The following EML4 variants were observed in gnomAD, a reference collection of about 807,000 sequenced individuals.
The protein encoded by EML4 is EMAP like 4.
A neutral mutation model predicts 129.0 loss-of-function variants in EML4; 72 were observed. The ratio of observed to expected loss-of-function variants is 0.56; its 90% CI spans 0.46 to 0.68. The LOEUF is 0.68. EML4 is among the 30% of genes least tolerant of loss of function. The probability of loss-of-function intolerance (pLI) is 0.00; values close to 1 mark genes in which losing one functional copy is unlikely to be tolerated. For missense variants in EML4, 1,363 were observed against 1,190.6 expected, an observed-to-expected ratio of 1.14 and a Z score of -2.13; for synonymous variants, 532 against 405.0, an observed-to-expected ratio of 1.31 and a Z score of -3.77.
chr2:42,239,896 G>A (rs1312381193), intron 1 of EML4, among the ~76,000 whole-genome samples: 2 of 152,062 alleles, frequency 1.3e-5, no homozygotes, highest in African/African-American at 2.4e-5. Flanking sequence ...AATGAGAATG[G>A]GGGCATCTTA....
At chr2:42,256,445 G>T in intron 2 of EML4, 56 bp from the exon 3 acceptor site, 1 of 1,509,480 alleles carries the variant, frequency 6.6e-7, no homozygotes, top group South Asian at 1.3e-5. Context: ...TTAAAATTTA[G>T]ATCTTTAAGG....
intron 17 of EML4, among the ~76,000 whole-genome samples, chr2:42,306,516 A>G (rs1429472973): frequency 1.5e-5 from 1 of 67,690 alleles, no homozygotes; most frequent in Non-Finnish European, 3.1e-5. Context: ...TTTTTGAGAT[A>G]GAGTCTCGCT....
intron 13 of EML4, among the ~76,000 whole-genome samples, chr2:42,300,369 T>C (rs1046407497): frequency 7.9e-5 from 12 of 152,226 alleles, no homozygotes; most frequent in African/African-American, 2.4e-4. Context: ...TATCATCTTA[T>C]TCTCACCCTT....
intron 2 of EML4, among the ~76,000 whole-genome samples, chr2:42,253,663 A>G (rs886491498): frequency 6.6e-6 from 1 of 152,216 alleles, no homozygotes; most frequent in Non-Finnish European, 1.5e-5. Context: ...TGTGCTAGGC[A>G]GACTGCTCAA....
intron 19 of EML4, among the ~76,000 whole-genome samples, chr2:42,321,568 G>T (rs1351678378): frequency 6.6e-6 from 1 of 151,984 alleles, no homozygotes; most frequent in Non-Finnish European, 1.5e-5. Flanking sequence ...AAGCAGAAGG[G>T]ATTAGAGCAA....
chr2:42,206,412 C>G (rs1287422875), intron 1 of EML4, among the ~76,000 whole-genome samples: 2 of 152,130 alleles, frequency 1.3e-5, no homozygotes, highest in South Asian at 4.1e-4. Flanking sequence ...AATGGGATTT[C>G]ACTGTCTTGC....
intron 17 of EML4, 93 bp downstream of exon 17, chr2:42,304,644 C>G (rs774659427): frequency 5.3e-6 from 5 of 941,192 alleles, no homozygotes; most frequent in Non-Finnish European, 8.7e-6. Context: ...GAATTAATCT[C>G]TTAAGTGGCA....
In EML4 at chr2:42,303,129, G is replaced by C; in HGVS notation, c.1667G>C (p.Arg556Thr). 6.2e-7 allele frequency: 1 copy of C among 1,614,060 alleles called. No individual in the cohort carries two copies. Among genetic ancestry groups the C allele is most frequent in the South Asian group, 1.1e-5 (1 of 91,078 alleles). The change falls in exon 15 of 23, where the codon AGA (arginine) becomes ACA (threonine). Residue 556 changes from arginine to threonine, a missense_variant. Physicochemically the swap from Arg to Thr is moderately conservative, Grantham distance 71 (BLOSUM62 -1). Coordinates refer to ENST00000318522, the MANE Select transcript of EML4 (RefSeq NM_019063.5). ...IEVPDQYGTI[R>T]AVAEGKADQF... is the part of the protein sequence containing the mutation. The stretch of plus-strand genomic sequence containing the variant: ...GTTCCTGATCAGTATGGCACAATCA[G>C]AGCTGTAGCAGAAGGAAAGGCAGAT...
intron 1 of EML4, among the ~76,000 whole-genome samples, chr2:42,194,342 T>TCG (rs1479948317): frequency 6.6e-5 from 7 of 106,226 alleles, no homozygotes; most frequent in African/African-American, 2.6e-4. Context: ...CACTTCTCTC[T>TCG]CTCTCTTTTT....
intron 13 of EML4, among the ~76,000 whole-genome samples, chr2:42,300,008 A>G (rs1281926204): frequency 6.6e-6 from 1 of 152,172 alleles, no homozygotes; most frequent in African/African-American, 2.4e-5. Flanking sequence ...TATGTTTTTA[A>G]GATTCATCCA....
chr2:42,251,070 G>A (rs1227460725), intron 2 of EML4, among the ~76,000 whole-genome samples: 1 of 152,134 alleles, frequency 6.6e-6, no homozygotes, highest in Non-Finnish European at 1.5e-5. Flanking sequence ...GATAGGAAGT[G>A]GTTGTAAATA....
chr2:42,244,252 C>G (rs922658489), intron 1 of EML4, among the ~76,000 whole-genome samples: 2 of 151,912 alleles, frequency 1.3e-5, no homozygotes, highest in African/African-American at 4.8e-5. Flanking sequence ...GCACACGCCA[C>G]CAAGCCCGGC....
At chr2:42,256,090 A>T (rs1470119935) in intron 2 of EML4, among the ~76,000 whole-genome samples, 1 of 152,246 alleles carries the variant, frequency 6.6e-6, no homozygotes, top group African/African-American at 2.4e-5. Flanking sequence ...ATGGAGTAAC[A>T]GTCTAGAATT....
chr2:42,280,070 T>C (rs374100692), intron 6 of EML4, among the ~76,000 whole-genome samples: 23 of 152,208 alleles, frequency 1.5e-4, no homozygotes, highest in African/African-American at 5.5e-4. Context: ...CTTTTTATTG[T>C]TGATTGTTTC....
At chr2:42,218,562 G>C (rs1673350500) in intron 1 of EML4, among the ~76,000 whole-genome samples, 1 of 151,988 alleles carries the variant, frequency 6.6e-6, no homozygotes, top group Non-Finnish European at 1.5e-5. Flanking sequence ...TTACTACTTG[G>C]ATCTCTCATG....
At chr2:42,316,098 C>T in intron 18 of EML4, 48 bp downstream of exon 18, 1 of 1,268,826 alleles carries the variant, frequency 7.9e-7, no homozygotes, top group South Asian at 1.2e-5. Flanking sequence ...CACAGCACTT[C>T]ACTGCAATTG....
intron 19 of EML4, among the ~76,000 whole-genome samples, chr2:42,320,863 T>C (rs554600323): frequency 7.9e-5 from 12 of 152,154 alleles, no homozygotes; most frequent in East Asian, 7.7e-4. Flanking sequence ...TGCAGTGATA[T>C]CCTAAAAAGC....
chr2:42,265,136 G>A (rs1665984733), intron 6 of EML4, among the ~76,000 whole-genome samples: 1 of 152,088 alleles, frequency 6.6e-6, no homozygotes, highest in African/African-American at 2.4e-5. Flanking sequence ...TGTTGCCCAG[G>A]GTGGAATGCA....
At chr2:42,316,444 A>G (rs1669249028) in intron 18 of EML4, among the ~76,000 whole-genome samples, 1 of 152,226 alleles carries the variant, frequency 6.6e-6, no homozygotes, top group Non-Finnish European at 1.5e-5. Flanking sequence ...AAAATACGCA[A>G]ATTGTATAGG....
Sources: allele counts gnomAD v4.1 joint callset (sites outside exome capture counted in the v4.1 genomes callset), GRCh38; gene constraint gnomAD v4.1.1; transcripts MANE v1.5; gene names NCBI Gene and HGNC (gene_info 2026-07-23, HGNC 2026-07-21).